The following SNAPC2 variants were observed in gnomAD, a reference collection of about 807,000 sequenced individuals.
The protein encoded by SNAPC2 is snRNA-activating protein complex subunit 2.
A neutral mutation model predicts 22.9 loss-of-function variants in SNAPC2; 27 were observed. That is an observed-to-expected ratio of 1.18 (90% CI 0.87 to 1.63). SNAPC2 has a LOEUF of 1.63. Among genes scored for constraint, SNAPC2 ranks in the 40% most tolerant of loss-of-function variants. The pLI is 0.00. For synonymous variants in SNAPC2, 272 were observed against 201.0 expected (o/e 1.35, Z -2.99); for missense variants, 570 against 449.1 (o/e 1.27, Z -2.43).
At chr19:7,921,988 A>G in intron 3 of SNAPC2, 47 bp from the exon 4 acceptor site, 2 of 1,562,912 alleles carry the variant, frequency 1.3e-6, no homozygotes, top group Non-Finnish European at 1.7e-6. Context: ...GTAGACGGTG[A>G]GAAGACTTCC....
In SNAPC2 at chr19:7,921,408, C is replaced by T. The variant is rs749698467; in HGVS notation, c.184-15C>T. On this transcript the variant is annotated splice_polypyrimidine_tract_variant and intron_variant, in intron 1 of 4. Transcript: ENST00000221573. Reference sequence around the variant, plus strand: ...GCTCATAGAAGCCTCATTCCGCCGCCTCTTTCCTTTCTAGATCCGGGTCTT... The same window carrying T: ...GCTCATAGAAGCCTCATTCCGCCGCTTCTTTCCTTTCTAGATCCGGGTCTT... The T allele has an allele frequency of 1.2e-6, 2 of 1,613,798 alleles. No homozygotes were observed. The highest frequency in any genetic ancestry group is 1.7e-5 in the Admixed American group (1 of 59,996).
intron 2 of SNAPC2, 56 bp downstream of exon 2, chr19:7,921,598 G>A: frequency 6.2e-7 from 1 of 1,602,634 alleles, no homozygotes; most frequent in South Asian, 1.1e-5. Context: ...TGGGTAGGTG[G>A]GAGTTGCGGG....
rs750197195 is a variant in SNAPC2 at position 7,922,884 on chromosome 19, G to A, written c.*120G>A. 3 of 799,620 alleles carry A rather than the reference G, an allele frequency of 3.8e-6. No individual in the cohort carries two copies. The highest frequency in any genetic ancestry group is 5.9e-6 in the Non-Finnish European group (3 of 511,140). 49.5% of individuals were successfully genotyped at this position (799,620 alleles called of 1,614,324 possible). A position where few individuals can be genotyped will look rare whatever the true frequency, so the allele number is the denominator to read the frequency against. On this transcript the variant is annotated 3_prime_UTR_variant, in exon 5 of 5. Transcript: ENST00000221573. ...GGGAAGGTCCTTGAGATGATGCTCA[G>A]CTGTGGGGCGGGCCTCTAAGATGCC...
Position 7,922,052 on chromosome 19 carries a change from C to T in SNAPC2, c.390C>T (p.Ala130=), listed in dbSNP as rs1983593911. 3 of 1,609,322 alleles carry T rather than the reference C, an allele frequency of 1.9e-6. No individual in the cohort carries two copies. Among genetic ancestry groups the T allele is most frequent in the Non-Finnish European group, 2.5e-6 (3 of 1,176,730 alleles). ...CCTGCCAGGTGCTCACCATCGCGGC[C>T]ACGGAACCGGTCACCCTCCTGCACT... The part of the protein sequence containing the change: ...VAFSQVLTIA[A]TEPVTLLHSK... The change falls in exon 4 of 5, where the codon GCC becomes GCT. Residue 130 remains alanine (A), a synonymous_variant. Coordinates refer to ENST00000221573, the MANE Select transcript of SNAPC2 (RefSeq NM_003083.4).
In SNAPC2 at chr19:7,922,510, G is replaced by C. The variant is rs764563828; in HGVS notation, c.751G>C (p.Ala251Pro). The C allele has an allele frequency of 1.9e-6, 3 of 1,610,764 alleles. No individual in the cohort carries two copies. In the South Asian group the frequency reaches 3.3e-5, roughly 18 times the overall value. Residue 251 changes from alanine (A) to proline (P), a missense_variant, in exon 5 of 5, where the codon GCC (alanine) becomes CCC (proline). Transcript: ENST00000221573. Reference protein sequence around the residue: ...PEELPLLPCTALVEHMTETYL... With the variant: ...PEELPLLPCTPLVEHMTETYL... ...GGAGCTGCCACTCCTGCCCTGCACAGCCCTGGTTGAGCATATGACGGAGAC... is the reference window on the plus strand; with the variant it reads ...GGAGCTGCCACTCCTGCCCTGCACACCCCTGGTTGAGCATATGACGGAGAC...
chr19:7,922,938 C>T lies in SNAPC2; in HGVS notation c.*174C>T, dbSNP rs1300170555. 2 of 570,788 alleles carry T rather than the reference C, an allele frequency of 3.5e-6. No homozygotes were observed. Among genetic ancestry groups the T allele is most frequent in the Non-Finnish European group, 6.1e-6 (2 of 328,688 alleles). 35.4% of individuals were successfully genotyped at this position (570,788 alleles called of 1,614,324 possible). ...TACTTTGGGGGTCTCAGAAATGGAA[C>T]CCCCGTTGTACAGGGGTTGGGTGGG... On this transcript the variant is annotated 3_prime_UTR_variant, in exon 5 of 5. Transcript: ENST00000221573.
At chr19:7,921,303 G>A in intron 1 of SNAPC2, 120 bp from the exon 2 acceptor site, 2 of 1,531,354 alleles carry the variant, frequency 1.3e-6, no homozygotes, top group Non-Finnish European at 1.8e-6. Flanking sequence ...CTAACACCGG[G>A]CCAGCAGGAG....
intron 2 of SNAPC2, 23 bp from the exon 3 acceptor site, chr19:7,921,682 C>G (rs1983577502): frequency 1.2e-6 from 2 of 1,613,032 alleles, no homozygotes; most frequent in Non-Finnish European, 1.7e-6. Context: ...CTGGGCTGAC[C>G]CTGTACCTCT....
In SNAPC2 at chr19:7,922,465, C is replaced by T. The variant is rs758129719; in HGVS notation, c.706C>T (p.Leu236=). The stretch of plus-strand genomic sequence containing the variant: ...ACTAGAGTCCGCTGTGGTCCTCGAC[C>T]TGCTCATGTCACTTCCAGAGGAGCT... ...SAAESAVVLD[L]LMSLPEELPL... The change falls in exon 5 of 5, where the codon CTG becomes TTG. Residue 236 remains leucine, a synonymous_variant. Transcript: ENST00000221573. The T allele has an allele frequency of 6.3e-7, 1 of 1,594,436 alleles. No homozygotes were observed. Among genetic ancestry groups the T allele is most frequent in the African/African-American group, 1.3e-5 (1 of 74,418 alleles).
Position 7,921,524 on chromosome 19 carries a change from G to GC in SNAPC2, c.290dup (p.Ala98SerfsTer11). 2.5e-6 allele frequency: 4 copies of GC among 1,612,994 alleles called. No individual in the cohort carries two copies. Among genetic ancestry groups the GC allele is most frequent in the Non-Finnish European group, 3.4e-6 (4 of 1,179,470 alleles). On this transcript the variant is annotated frameshift_variant, in exon 2 of 5. Transcript: ENST00000221573. LOFTEE classifies it high-confidence loss of function. The stretch of plus-strand genomic sequence containing the variant: ...AGGGACCAAGGCGCCGGGAGGCACA[G>GC]CCCCCAGCCCCCATAGAGGTGAGGC...
chr19:7,922,794 GC>G lies in SNAPC2; in HGVS notation c.*36del, dbSNP rs750597386. Reference sequence around the variant, plus strand: ...CATGGCGGGCAGGAGGCCACACCAGGCCCCCCGCCCTGCCCCTCGGTTCTGC... The same window carrying G: ...CATGGCGGGCAGGAGGCCACACCAGGCCCCCGCCCTGCCCCTCGGTTCTGC... On this transcript the variant is annotated 3_prime_UTR_variant, in exon 5 of 5. Transcript: ENST00000221573. 2 of 1,497,472 alleles carry G rather than the reference GC, an allele frequency of 1.3e-6. No individual in the cohort carries two copies. Among genetic ancestry groups the G allele is most frequent in the Non-Finnish European group, 1.8e-6 (2 of 1,110,752 alleles). 92.8% of individuals were successfully genotyped at this position (1,497,472 alleles called of 1,614,324 possible).
chr19:7,921,361 G>C, intron 1 of SNAPC2, 62 bp from the exon 2 acceptor site: 3 of 1,611,532 alleles, frequency 1.9e-6, no homozygotes, highest in Non-Finnish European at 2.5e-6. Flanking sequence ...ATTGGGCTTT[G>C]GCTTCTCTGC....
Position 7,922,306 on chromosome 19 carries a change from C to G in SNAPC2, c.644C>G (p.Ser215Cys). 2 of 1,613,914 alleles carry G rather than the reference C, an allele frequency of 1.2e-6. No homozygotes were observed. Among genetic ancestry groups the G allele is most frequent in the Non-Finnish European group, 1.7e-6 (2 of 1,180,004 alleles). The change falls in exon 4 of 5, where the codon TCT becomes TGT. Residue 215 changes from serine (S) to cysteine (C), a missense_variant. Coordinates refer to ENST00000221573, the MANE Select transcript of SNAPC2 (RefSeq NM_003083.4). ...DFEKIYKYLS[S>C]VSRSGRSPEL... Reference sequence around the variant, plus strand: ...GAGAAGATCTACAAGTACTTGTCCTCTGTCTCCCGAAGTGGCCGCAGCCCC... The same window carrying G: ...GAGAAGATCTACAAGTACTTGTCCTGTGTCTCCCGAAGTGGCCGCAGCCCC...
Position 7,922,824 on chromosome 19 carries a change from G to C in SNAPC2, c.*60G>C, listed in dbSNP as rs1203709345. The C allele has an allele frequency of 7.6e-7, 1 of 1,311,326 alleles. No homozygotes were observed. The highest frequency in any genetic ancestry group is 2.3e-5 in the East Asian group (1 of 42,912). The allele number at this position is 1,311,326 out of a possible 1,614,324, so 81.2% of individuals were successfully genotyped here. A position where few individuals can be genotyped will look rare whatever the true frequency, so the allele number is the denominator to read the frequency against. On this transcript the variant is annotated 3_prime_UTR_variant, in exon 5 of 5. Transcript: ENST00000221573. ...CCGCCCTGCCCCTCGGTTCTGCTCG[G>C]CTGGCCCTGGCTCTTTCTGAGGATC...
intron 4 of SNAPC2, 35 bp from the exon 5 acceptor site, chr19:7,922,410 G>T (rs769870215): frequency 1.3e-6 from 2 of 1,585,316 alleles, no homozygotes; most frequent in Non-Finnish European, 1.7e-6. Flanking sequence ...GCAGGCAGGG[G>T]TGTCCCCTTA....
chr19:7,922,794 G>A lies in SNAPC2; in HGVS notation c.*30G>A, dbSNP rs1568289867. The A allele has an allele frequency of 6.7e-7, 1 of 1,497,478 alleles. No homozygotes were observed. Among genetic ancestry groups the A allele is most frequent in the Non-Finnish European group, 9.0e-7 (1 of 1,110,752 alleles). 92.8% of individuals were successfully genotyped at this position (1,497,478 alleles called of 1,614,324 possible). On this transcript the variant is annotated 3_prime_UTR_variant, in exon 5 of 5. Coordinates refer to ENST00000221573, the MANE Select transcript of SNAPC2 (RefSeq NM_003083.4). The stretch of plus-strand genomic sequence containing the variant: ...CATGGCGGGCAGGAGGCCACACCAG[G>A]CCCCCCGCCCTGCCCCTCGGTTCTG...
rs1329664397 is a variant in SNAPC2 at position 7,920,496 on chromosome 19, G to C, written c.130G>C (p.Glu44Gln). The change falls in exon 1 of 5, where the codon GAG becomes CAG. Residue 44 changes from glutamate to glutamine, a missense_variant. By Grantham distance (29) the Glu-to-Gln change is conservative (BLOSUM62 2). Transcript: ENST00000221573. ...CCTGCAGGCGCGGCAGGGCCAGCCG[G>C]AGCCGGACGCCACCGAGCTGGCCCG... ...RLLQARQGQP[E>Q]PDATELAREL... The C allele has an allele frequency of 2.0e-6, 3 of 1,502,962 alleles. No homozygotes were observed. Among genetic ancestry groups the C allele is most frequent in the Non-Finnish European group, 2.6e-6 (3 of 1,133,994 alleles). The allele number at this position is 1,502,962 out of a possible 1,614,324, so 93.1% of individuals were successfully genotyped here. A position where few individuals can be genotyped will look rare whatever the true frequency, so the allele number is the denominator to read the frequency against.
Position 7,920,417 on chromosome 19 carries a change from G to A in SNAPC2, c.51G>A (p.Glu17=). The A allele has an allele frequency of 1.9e-6, 3 of 1,581,506 alleles. No homozygotes were observed. Among genetic ancestry groups the A allele is most frequent in the Non-Finnish European group, 1.7e-6 (2 of 1,171,862 alleles). ...CGGCCCCGGCGCGCTATCTGGGCGA[G>A]GTGACCGGTCCCGCGACCTGGAGCG... is the stretch of plus-strand genomic sequence containing the variant. ...RRAAPARYLG[E]VTGPATWSAR... The change falls in exon 1 of 5, where the codon GAG becomes GAA. Residue 17 remains glutamate (E), a synonymous_variant. Coordinates refer to ENST00000221573, the MANE Select transcript of SNAPC2 (RefSeq NM_003083.4).
At chr19:7,920,595 G>A in intron 1 of SNAPC2, 46 bp downstream of exon 1, 1 of 1,048,738 alleles carries the variant, frequency 9.5e-7, no homozygotes, top group Non-Finnish European at 1.3e-6. Flanking sequence ...AGGCGGGGCT[G>A]GGGTGGGGCG....
Sources: gnomAD v4.1 joint callset for allele counts on GRCh38, gnomAD v4.1.1 for gene constraint, MANE v1.5 for transcripts, NCBI Gene and HGNC (gene_info 2026-07-23, HGNC 2026-07-21) for gene names.